SORBS2: variants seen among roughly 807,000 people sequenced by gnomAD.
SORBS2 encodes sorbin and SH3 domain-containing protein 2.
A neutral mutation model predicts 97.7 loss-of-function variants in SORBS2; 46 were observed. The observed-to-expected ratio is 0.47, with a 90% CI of 0.37 to 0.60. The LOEUF (loss-of-function observed/expected upper bound fraction) is 0.60. Ranked by LOEUF, SORBS2 falls within the 20% of genes least tolerant of loss-of-function variation. The pLI is 0.00. For synonymous variants in SORBS2, 476 were observed against 473.4 expected, an observed-to-expected ratio of 1.01 and a Z score of -0.07; for missense variants, 1,316 against 1,282.3, an observed-to-expected ratio of 1.03 and a Z score of -0.40.
intron 1 of SORBS2, among the ~76,000 whole-genome samples, chr4:185,940,430 TC>T (rs1001049044): frequency 6.6e-6 from 1 of 152,128 alleles, no homozygotes; most frequent in Non-Finnish European, 1.5e-5. Context: ...TACATTGCAA[TC>T]CTGTTGCAGC....
chr4:185,837,922 C>T (rs1286892360), intron 1 of SORBS2, among the ~76,000 whole-genome samples: 2 of 151,728 alleles, frequency 1.3e-5, no homozygotes, highest in Non-Finnish European at 2.9e-5. Context: ...GCCAGTCCCA[C>T]CTCTTCCACT....
intron 2 of SORBS2, among the ~76,000 whole-genome samples, chr4:185,759,979 T>TG (rs1015341533): frequency 2.0e-5 from 3 of 152,202 alleles, no homozygotes; most frequent in Admixed American, 1.3e-4. Flanking sequence ...CATATTCCTA[T>TG]GGGGCAAATT....
In SORBS2 at chr4:185,606,728, C is replaced by T. The variant is rs931965551; in HGVS notation, c.2796+5052G>A. 49 of 985,154 alleles carry T rather than the reference C, an allele frequency of 5.0e-5. No individual in the cohort carries two copies. The highest frequency in any genetic ancestry group is 5.2e-5 in the African/African-American group (3 of 57,182). 61.0% of individuals were successfully genotyped at this position (985,154 alleles called of 1,614,324 possible). A position where few individuals can be genotyped will look rare whatever the true frequency, so the allele number is the denominator to read the frequency against. On this transcript the variant is annotated intron_variant, in intron 12 of 14. Transcript: ENST00000418609. This position sits in a 1 kb window ranked among gnomAD's most constrained non-coding sequence, Gnocchi z 4.3. Reference sequence around the variant, plus strand: ...AGGTGTGGGGTGCCCTCTGACCCATCGTGGCCACACCACCAGGCGTCTCCT... The same window carrying T: ...AGGTGTGGGGTGCCCTCTGACCCATTGTGGCCACACCACCAGGCGTCTCCT...
chr4:185,871,275 A>G (rs758858078), intron 1 of SORBS2, among the ~76,000 whole-genome samples: 4 of 152,224 alleles, frequency 2.6e-5, no homozygotes, highest in Non-Finnish European at 5.9e-5. Context: ...GTTTCCGAGA[A>G]TACCGAGGAC....
At chr4:185,617,554 C>T (rs2096647797) in intron 9 of SORBS2, among the ~76,000 whole-genome samples, 2 of 151,812 alleles carry the variant, frequency 1.3e-5, no homozygotes, top group Admixed American at 6.6e-5. Context: ...GTGTAAACAA[C>T]ATATAATAAT....
chr4:185,791,398 G>A (rs774739016), intron 1 of SORBS2, among the ~76,000 whole-genome samples: 2 of 152,074 alleles, frequency 1.3e-5, no homozygotes, highest in Non-Finnish European at 2.9e-5. Context: ...AGGTCCAGGA[G>A]GGCCATGACT....
chr4:185,657,204 CATG>C (rs1337898974), upstream of SORBS2: 3 of 422,752 alleles, frequency 7.1e-6, no homozygotes, highest in Non-Finnish European at 1.2e-5. Context: ...TCGCAATGTT[CATG>C]ATGTTTCATT....
At chr4:185,874,282 C>T (rs13138996) in intron 1 of SORBS2, among the ~76,000 whole-genome samples, 33,256 of 151,840 alleles carry the variant, frequency 0.22, 4,143 homozygotes, top group East Asian at 0.54. Context: ...TCGCTGTGAT[C>T]CCAATATTTC....
chr4:185,614,418 G>T (rs1199954478), intron 11 of SORBS2, among the ~76,000 whole-genome samples: 1 of 151,996 alleles, frequency 6.6e-6, no homozygotes, highest in Non-Finnish European at 1.5e-5. Context: ...CTTTACCTAG[G>T]ACCATTCCTA....
At chr4:185,832,163 C>T (rs2099205507) in intron 1 of SORBS2, among the ~76,000 whole-genome samples, 1 of 152,094 alleles carries the variant, frequency 6.6e-6, no homozygotes, top group South Asian at 2.1e-4. Context: ...AGATGGTTTC[C>T]CTAAATTAAG....
intron 2 of SORBS2, among the ~76,000 whole-genome samples, chr4:185,700,684 A>T (rs1167108778): frequency 6.6e-6 from 1 of 152,188 alleles, no homozygotes; most frequent in Non-Finnish European, 1.5e-5. Context: ...AATTGTCATC[A>T]GAAAGAATGA....
chr4:185,713,516 T>A (rs939507898), intron 2 of SORBS2, among the ~76,000 whole-genome samples: 1 of 152,136 alleles, frequency 6.6e-6, no homozygotes, highest in African/African-American at 2.4e-5. Flanking sequence ...GTGGAACCTA[T>A]AAGGACGTTC....
chr4:185,914,760 T>C (rs1449305100), intron 1 of SORBS2, among the ~76,000 whole-genome samples: 1 of 152,260 alleles, frequency 6.6e-6, no homozygotes. Flanking sequence ...TTGTTTTCAT[T>C]CCCTGCACGG....
chr4:185,802,828 T>A (rs1429584497), intron 1 of SORBS2, among the ~76,000 whole-genome samples: 2 of 152,184 alleles, frequency 1.3e-5, no homozygotes, highest in South Asian at 4.1e-4. Flanking sequence ...CACTGACAAA[T>A]TAATAATCTG....
At chr4:185,683,691 C>T (rs10000730) in intron 2 of SORBS2, among the ~76,000 whole-genome samples, 15,295 of 150,578 alleles carry the variant, frequency 0.1, 842 homozygotes, top group African/African-American at 0.14. Flanking sequence ...TAACTGAACT[C>T]ACTAGCCTGG....
At position 185,622,969 on chromosome 4, in the gene SORBS2, G is replaced by A. The variant is rs748425702; in HGVS notation, c.2160C>T (p.Asp720=). Reference sequence around the variant, plus strand: ...GGCAGCTGCTGTTGGCTGTGTCCACGTCTTGGAAAGAGGCACTGCGGGGCA... The same window carrying A: ...GGCAGCTGCTGTTGGCTGTGTCCACATCTTGGAAAGAGGCACTGCGGGGCA... The change falls in exon 7 of 15, where the codon GAC becomes GAT. Residue 720 remains aspartate, a synonymous_variant. Coordinates refer to ENST00000418609, the Ensembl canonical transcript of SORBS2. 1.3e-5 allele frequency: 21 copies of A among 1,613,974 alleles called. No individual in the cohort carries two copies. In the Admixed American group the frequency reaches 2.5e-4, roughly 19 times the overall value.
At chr4:185,677,918 A>G (rs1373349077) in intron 4 of SORBS2, among the ~76,000 whole-genome samples, 1 of 152,196 alleles carries the variant, frequency 6.6e-6, no homozygotes, top group African/African-American at 2.4e-5. Flanking sequence ...CAGGGAAATT[A>G]TGTTAAAAGT....
At chr4:185,649,082 T>C (rs146796666) in intron 3 of SORBS2, among the ~76,000 whole-genome samples, 2 of 152,330 alleles carry the variant, frequency 1.3e-5, no homozygotes, top group African/African-American at 4.8e-5. Flanking sequence ...TTTGAATAAC[T>C]TTCCCTGCTT....
intron 4 of SORBS2, among the ~76,000 whole-genome samples, chr4:185,663,812 G>C (rs2097555645): frequency 6.6e-6 from 1 of 151,032 alleles, no homozygotes; most frequent in Non-Finnish European, 1.5e-5. Flanking sequence ...ATATTGACTA[G>C]GGGTTAAAAA....
Sources: gnomAD v4.1 joint callset for allele counts (sites outside exome capture counted in the v4.1 genomes callset) on GRCh38, gnomAD v4.1.1 for gene constraint, Gnocchi (gnomAD v3.1) non-coding constraint, MANE v1.5 for transcripts, NCBI Gene and HGNC (gene_info 2026-07-23, HGNC 2026-07-21) for gene names.